VRK2: variants seen among roughly 807,000 people sequenced by gnomAD.
VRK2 encodes serine/threonine-protein kinase VRK2.
Under a neutral mutation model 57.6 loss-of-function variants are expected in VRK2, and 60 were observed. The observed-to-expected ratio is 1.04, with a 90% CI of 0.85 to 1.29. VRK2 has a LOEUF of 1.29. Ranked by LOEUF, VRK2 falls within the 50% of genes most tolerant of loss-of-function variation. The pLI, the probability that VRK2 is intolerant of heterozygous loss-of-function variation, is 0.00. For synonymous variants in VRK2, 231 were observed against 199.2 expected (o/e 1.16, Z -1.35); for missense variants, 705 against 588.1 (o/e 1.20, Z -2.06).
chr2:58,157,564 C>A (rs1024451820), intron 12 of VRK2, among the ~76,000 whole-genome samples: 1 of 152,164 alleles, frequency 6.6e-6, no homozygotes, highest in Non-Finnish European at 1.5e-5. Context: ...TTGCCTTGAG[C>A]CCTTTGCTAC....
intron 7 of VRK2, among the ~76,000 whole-genome samples, chr2:58,105,068 A>C (rs945255583): frequency 6.6e-6 from 1 of 151,990 alleles, no homozygotes; most frequent in African/African-American, 2.4e-5. Context: ...CTCAAGATGG[A>C]TTAAAGACCT....
rs889943023 is a variant in VRK2, at chr2:57,967,687, T to C, written c.-438-57978T>C. 2.0e-5 allele frequency among the ~76,000 whole-genome samples: 3 copies of C among 152,314 alleles called. No homozygotes were observed. The East Asian group carries it at 5.8e-4, about 29-fold the overall frequency. ...AGAGCACTTAAGCAATTATCCTTCC[T>C]GGACCTTAAGAACTTATCTATATAA... On this transcript the variant is annotated intron_variant, in intron 1 of 15. Transcript: ENST00000417641.
At chr2:58,013,841 A>G (rs535489186) in intron 1 of VRK2, among the ~76,000 whole-genome samples, 3 of 144,146 alleles carry the variant, frequency 2.1e-5, no homozygotes, top group Non-Finnish European at 4.5e-5. Context: ...CCTGGGCGAC[A>G]GAACGAGACT....
intron 1 of VRK2, among the ~76,000 whole-genome samples, chr2:57,948,952 C>T (rs1325926128): frequency 6.6e-6 from 1 of 151,834 alleles, no homozygotes; most frequent in Non-Finnish European, 1.5e-5. Flanking sequence ...TAAGGTAAAG[C>T]TAGAAAAGGG....
intron 1 of VRK2, among the ~76,000 whole-genome samples, chr2:57,919,517 C>T (rs1470138775): frequency 9.2e-5 from 14 of 152,106 alleles, no homozygotes; most frequent in Non-Finnish European, 4.4e-5. Flanking sequence ...TTATTTTCAG[C>T]TCAATATGTA....
intron 11 of VRK2, among the ~76,000 whole-genome samples, chr2:58,143,625 C>T (rs552982247): frequency 2.6e-5 from 4 of 151,688 alleles, no homozygotes; most frequent in Non-Finnish European, 4.4e-5. Flanking sequence ...TCAGAGGCTC[C>T]CAGGGCAAAA....
At chr2:57,919,337 T>A (rs2103902060) in intron 1 of VRK2, among the ~76,000 whole-genome samples, 1 of 152,264 alleles carries the variant, frequency 6.6e-6, no homozygotes, top group African/African-American at 2.4e-5. Flanking sequence ...AATATTTCTC[T>A]TAAAAAGTAT....
chr2:57,983,181 T>C (rs1672486200), intron 1 of VRK2, among the ~76,000 whole-genome samples: 1 of 152,184 alleles, frequency 6.6e-6, no homozygotes, highest in Admixed American at 6.5e-5. Flanking sequence ...CTTGAGGGCC[T>C]GGTTTCTCTC....
At chr2:58,024,946 G>T (rs773088514) in intron 1 of VRK2, among the ~76,000 whole-genome samples, 1 of 152,178 alleles carries the variant, frequency 6.6e-6, no homozygotes, top group Non-Finnish European at 1.5e-5. Flanking sequence ...ATGGATGACA[G>T]ATATTGCTTT....
intron 1 of VRK2, among the ~76,000 whole-genome samples, chr2:57,996,657 T>C (rs1281981789): frequency 6.6e-6 from 1 of 152,244 alleles, no homozygotes; most frequent in African/African-American, 2.4e-5. Flanking sequence ...GTCTCTAGAC[T>C]TTAGAAGTAA....
intron 2 of VRK2, among the ~76,000 whole-genome samples, chr2:58,050,096 A>G (rs1024212642): frequency 1.3e-5 from 2 of 152,234 alleles, no homozygotes; most frequent in African/African-American, 2.4e-5. Context: ...ACTGTTCAAT[A>G]GAAATGTAAT....
chr2:58,070,343 C>T (rs1271855638), intron 2 of VRK2, among the ~76,000 whole-genome samples: 1 of 151,980 alleles, frequency 6.6e-6, no homozygotes, highest in Non-Finnish European at 1.5e-5. Flanking sequence ...CACCACTGTG[C>T]CCAGGTTTTA....
At chr2:57,953,718 G>A (rs752249804) in intron 1 of VRK2, among the ~76,000 whole-genome samples, 2 of 151,920 alleles carry the variant, frequency 1.3e-5, no homozygotes, top group South Asian at 2.1e-4. Flanking sequence ...TGATGGCCAC[G>A]CTATCAGAGG....
chr2:57,979,310 T>C (rs539625291), intron 1 of VRK2, among the ~76,000 whole-genome samples: 2 of 151,242 alleles, frequency 1.3e-5, no homozygotes, highest in South Asian at 2.1e-4. Flanking sequence ...TATTTCTCCA[T>C]AGCCTGGCCA....
intron 1 of VRK2, among the ~76,000 whole-genome samples, chr2:57,929,073 G>T (rs7563883): frequency 0.34 from 51,428 of 151,992 alleles, 11,283 homozygotes; most frequent in African/African-American, 0.64. Context: ...ACCTATGTTT[G>T]CTCAAAGCCC....
rs146654093 is a variant in VRK2, at chr2:57,922,862, A to T, written c.-439+15023A>T. Among the ~76,000 whole-genome samples the T allele has an allele frequency of 2.0e-5, 3 of 152,014 alleles. No homozygotes were observed. The East Asian group carries it at 5.8e-4, about 29-fold the overall frequency. ...TATTCATTCTATTTTTGTACTCACT[A>T]ATCATTCCCACTCCTCTTCCCAGCT... On this transcript the variant is annotated intron_variant, in intron 1 of 15. Coordinates refer to the VRK2 transcript ENST00000417641.
intron 1 of VRK2, among the ~76,000 whole-genome samples, chr2:57,960,637 A>G (rs549232947): frequency 6.6e-6 from 1 of 152,232 alleles, no homozygotes; most frequent in Non-Finnish European, 1.5e-5. Context: ...GTTCCAGAAC[A>G]GTGAACTCCC....
intron 7 of VRK2, among the ~76,000 whole-genome samples, chr2:58,091,967 T>C (rs1285527065): frequency 6.6e-6 from 1 of 152,172 alleles, no homozygotes; most frequent in African/African-American, 2.4e-5. Flanking sequence ...AATTAAATGG[T>C]ATAAGAAAGT....
chr2:57,971,066 G>A (rs1672080921), intron 1 of VRK2, among the ~76,000 whole-genome samples: 2 of 152,016 alleles, frequency 1.3e-5, no homozygotes, highest in Middle Eastern at 6.8e-3. Context: ...GACAGTCTTA[G>A]CATTGGGGTG....
Sources: gnomAD v4.1 joint callset for allele counts (sites outside exome capture counted in the v4.1 genomes callset) on GRCh38, gnomAD v4.1.1 for gene constraint, MANE v1.5 for transcripts, NCBI Gene and HGNC (gene_info 2026-07-23, HGNC 2026-07-21) for gene names.